NAV2: variants seen among roughly 807,000 people sequenced by gnomAD.
NAV2 encodes neuron navigator 2, also known as helicase, APC down-regulated 1.
In NAV2, 54 loss-of-function variants were observed where a neutral mutation model predicts 223.2. That is an observed-to-expected ratio of 0.24 (90% CI 0.19 to 0.30). The LOEUF (loss-of-function observed/expected upper bound fraction) is 0.30, where lower values mean the gene tolerates loss of function less well. Ranked by LOEUF, NAV2 falls within the 10% of genes least tolerant of loss-of-function variation. NAV2 has a pLI of 1.00. For missense variants in NAV2, 2,806 were observed against 3,147.5 expected, an observed-to-expected ratio of 0.89 and a Z score of 2.60; for synonymous variants, 1,279 against 1,239.3, an observed-to-expected ratio of 1.03 and a Z score of -0.67.
chr11:19,965,819 A>G (rs890557523), intron 10 of NAV2, among the ~76,000 whole-genome samples: 1 of 152,254 alleles, frequency 6.6e-6, no homozygotes, highest in African/African-American at 2.4e-5. Flanking sequence ...AAGATATAGC[A>G]GAGATGGCAT....
At chr11:19,795,217 T>C (rs890043678) in intron 1 of NAV2, among the ~76,000 whole-genome samples, 15 of 152,224 alleles carry the variant, frequency 9.9e-5, no homozygotes, top group Admixed American at 9.2e-4. Flanking sequence ...TTGTGAACAT[T>C]CTCAGAGCCA....
chr11:19,924,920 A>C (rs2044604110), intron 6 of NAV2, among the ~76,000 whole-genome samples: 1 of 152,228 alleles, frequency 6.6e-6, no homozygotes, highest in African/African-American at 2.4e-5. Context: ...AGTCAGGTGC[A>C]TCTACTAACC....
intron 1 of NAV2, among the ~76,000 whole-genome samples, chr11:19,490,856 T>C (rs1380442445): frequency 6.6e-6 from 1 of 152,214 alleles, no homozygotes; most frequent in East Asian, 1.9e-4. Flanking sequence ...CCTTTTGAAA[T>C]GTATTTTTGA....
At chr11:19,376,282 A>G (rs1848638106) in intron 1 of NAV2, among the ~76,000 whole-genome samples, 1 of 152,240 alleles carries the variant, frequency 6.6e-6, no homozygotes. Flanking sequence ...CAAACAAACA[A>G]ACAAAAAAAC....
At chr11:20,053,750 C>G (rs951306983) in intron 17 of NAV2, among the ~76,000 whole-genome samples, 1 of 152,170 alleles carries the variant, frequency 6.6e-6, no homozygotes, top group Non-Finnish European at 1.5e-5. Flanking sequence ...TTGCTTCAGT[C>G]CTGTCAAGGT....
chr11:19,758,496 G>A (rs1372370383), intron 1 of NAV2, among the ~76,000 whole-genome samples: 1 of 152,148 alleles, frequency 6.6e-6, no homozygotes, highest in African/African-American at 2.4e-5. Context: ...ATTGCAAGTG[G>A]GGTGACTTCG....
chr11:19,722,541 C>A (rs1382065951), intron 1 of NAV2, among the ~76,000 whole-genome samples: 1 of 152,172 alleles, frequency 6.6e-6, no homozygotes, highest in East Asian at 1.9e-4. Flanking sequence ...TGGCCATTAG[C>A]CCCTCAGCTT....
At chr11:19,515,947 A>T (rs1485227089) in intron 1 of NAV2, among the ~76,000 whole-genome samples, 1 of 151,614 alleles carries the variant, frequency 6.6e-6, no homozygotes, top group East Asian at 1.9e-4. Context: ...CCATTGACTG[A>T]GATGGGAAAG....
chr11:19,724,066 C>T lies in NAV2; in HGVS notation c.267+10104C>T, dbSNP rs2051014737. On this transcript the variant is annotated intron_variant, in intron 1 of 37. Transcript: ENST00000349880. ...GCTTAGTGATCTGTGCCTTTAAGTA[C>T]TAGAGACTTAGGACATCTGAGCCAG... 2.0e-5 allele frequency among the ~76,000 whole-genome samples: 3 copies of T among 152,172 alleles called. No homozygotes were observed. The South Asian group carries it at 6.2e-4, about 32-fold the overall frequency.
chr11:20,074,755 C>A (rs11602038), intron 22 of NAV2, among the ~76,000 whole-genome samples: 35,306 of 124,920 alleles, frequency 0.28, 5,598 homozygotes, highest in African/African-American at 0.44. Flanking sequence ...AGGATTGCAA[C>A]TCTGCTTTTT....
intron 3 of NAV2, among the ~76,000 whole-genome samples, chr11:19,864,192 C>T (rs912213306): frequency 1.3e-5 from 2 of 152,178 alleles, no homozygotes; most frequent in Non-Finnish European, 2.9e-5. Flanking sequence ...TGGAGATTTC[C>T]CAAGGGGCTT....
chr11:19,821,621 C>T (rs747319862), intron 1 of NAV2, among the ~76,000 whole-genome samples: 14 of 151,622 alleles, frequency 9.2e-5, no homozygotes, highest in Non-Finnish European at 1.6e-4. Flanking sequence ...TACTTGGATA[C>T]AGTCCTGCAA....
At chr11:19,645,205 C>G (rs1378488317) in intron 1 of NAV2, among the ~76,000 whole-genome samples, 1 of 152,082 alleles carries the variant, frequency 6.6e-6, no homozygotes, top group African/African-American at 2.4e-5. Context: ...GGTCCTATTC[C>G]TCAGCTTGTG....
intron 1 of NAV2, among the ~76,000 whole-genome samples, chr11:19,788,660 T>C (rs987386906): frequency 3.3e-5 from 5 of 152,192 alleles, no homozygotes; most frequent in Non-Finnish European, 7.3e-5. Flanking sequence ...GTCTGCTCCC[T>C]TCCCTCTCTC....
chr11:19,446,042 T>A (rs1270403866), intron 1 of NAV2, among the ~76,000 whole-genome samples: 2 of 152,226 alleles, frequency 1.3e-5, no homozygotes, highest in Non-Finnish European at 2.9e-5. Flanking sequence ...CAAGTCATTT[T>A]GCTTTACCAT....
chr11:19,681,081 T>C (rs1486510999), intron 1 of NAV2, among the ~76,000 whole-genome samples: 5 of 152,218 alleles, frequency 3.3e-5, no homozygotes, highest in Non-Finnish European at 5.9e-5. Flanking sequence ...CACTTACAGA[T>C]AGAGACAGAA....
At chr11:19,854,638 G>A (rs1838054) in intron 3 of NAV2, among the ~76,000 whole-genome samples, 22,067 of 151,894 alleles carry the variant, frequency 0.15, 1,661 homozygotes, top group Middle Eastern at 0.17. Flanking sequence ...CACATTTGAC[G>A]TTTTTGATCC....
intron 1 of NAV2, among the ~76,000 whole-genome samples, chr11:19,536,785 C>A (rs762791175): frequency 6.6e-6 from 1 of 152,132 alleles, no homozygotes; most frequent in Non-Finnish European, 1.5e-5. Context: ...GGTTTGTGTC[C>A]TTCACAACCT....
intron 1 of NAV2, among the ~76,000 whole-genome samples, chr11:19,584,279 A>G (rs1388516659): frequency 6.6e-6 from 1 of 151,288 alleles, no homozygotes. Context: ...TTTCTTCTTT[A>G]TTAGTCTTGC....
Sources: gnomAD v4.1 joint callset for allele counts (sites outside exome capture counted in the v4.1 genomes callset) on GRCh38, gnomAD v4.1.1 for gene constraint, MANE v1.5 for transcripts, NCBI Gene and HGNC (gene_info 2026-07-23, HGNC 2026-07-21) for gene names.